The following SDK1 variants were observed in gnomAD, a reference collection of about 807,000 sequenced individuals.
The protein encoded by SDK1 is protein sidekick-1.
In SDK1, 157 loss-of-function variants were observed where a neutral mutation model predicts 245.5. That is an observed-to-expected ratio of 0.64 (90% confidence interval 0.56 to 0.73). The LOEUF (loss-of-function observed/expected upper bound fraction) is 0.73, where lower values mean the gene tolerates loss of function less well. Among genes scored for constraint, SDK1 ranks in the 30% least tolerant of loss-of-function variants. The pLI, the probability that SDK1 is intolerant of heterozygous loss-of-function variation, is 0.00. For synonymous variants in SDK1, 1,647 were observed against 1,278.5 expected (o/e 1.29, Z -6.15); for missense variants, 3,583 against 3,002.3 (o/e 1.19, Z -4.52).
intron 1 of SDK1, among the ~76,000 whole-genome samples, chr7:3,327,956 A>G (rs922340712): frequency 1.3e-5 from 2 of 152,088 alleles, no homozygotes; most frequent in African/African-American, 4.8e-5. Flanking sequence ...ATACCCTATC[A>G]CTATGCATGT....
chr7:3,667,881 C>T (rs139383925), intron 4 of SDK1, among the ~76,000 whole-genome samples: 1 of 152,266 alleles, frequency 6.6e-6, no homozygotes, highest in African/African-American at 2.4e-5. Flanking sequence ...CAGTTTTGGC[C>T]ATTTGCAAAT....
At chr7:3,952,456 G>A (rs1201557411) in intron 7 of SDK1, among the ~76,000 whole-genome samples, 2 of 151,940 alleles carry the variant, frequency 1.3e-5, no homozygotes, top group African/African-American at 4.8e-5. Flanking sequence ...AGTGGCGGGC[G>A]CCTATGATCC....
intron 1 of SDK1, among the ~76,000 whole-genome samples, chr7:3,613,613 C>T (rs536816388): frequency 8.5e-5 from 13 of 152,206 alleles, no homozygotes; most frequent in African/African-American, 2.6e-4. Flanking sequence ...ACAGAAATAC[C>T]GTTTGACCCA....
chr7:3,693,159 A>G (rs1784480451), intron 4 of SDK1, among the ~76,000 whole-genome samples: 1 of 152,078 alleles, frequency 6.6e-6, no homozygotes, highest in African/African-American at 2.4e-5. Flanking sequence ...TTTACAAATA[A>G]AATGTTGTAT....
At chr7:3,454,946 C>T (rs965630649) in intron 1 of SDK1, among the ~76,000 whole-genome samples, 4 of 152,168 alleles carry the variant, frequency 2.6e-5, no homozygotes, top group African/African-American at 9.7e-5. Flanking sequence ...TACTATTTCA[C>T]CAGTGCTTGA....
At chr7:4,065,691 G>GTTTTTTCTTTTTTT (rs1562755417) in intron 19 of SDK1, among the ~76,000 whole-genome samples, 1 of 29,472 alleles carries the variant, frequency 3.4e-5, no homozygotes, top group African/African-American at 1.7e-4. Flanking sequence ...ATGAGTGGTT[G>GTTTTTTCTTTTTTT]TTGTTTTTTT....
chr7:4,203,257 C>G (rs17134538), intron 35 of SDK1, among the ~76,000 whole-genome samples: 5,139 of 152,272 alleles, frequency 0.034, 105 homozygotes, highest in South Asian at 0.045. Context: ...GTGAGGGTCC[C>G]TCCAGAAGTC....
intron 1 of SDK1, chr7:3,338,350 A>C: frequency 3.9e-6 from 2 of 513,546 alleles, no homozygotes; most frequent in South Asian, 3.7e-5. Context: ...GGCATTGTAA[A>C]CAAACAAGGT....
intron 1 of SDK1, among the ~76,000 whole-genome samples, chr7:3,392,688 A>T (rs1781788252): frequency 6.6e-6 from 1 of 152,132 alleles, no homozygotes; most frequent in Admixed American, 6.6e-5. Context: ...CTAGGTATTT[A>T]TGTAAAATCA....
At chr7:3,567,062 G>A (rs1779943192) in intron 1 of SDK1, among the ~76,000 whole-genome samples, 1 of 152,030 alleles carries the variant, frequency 6.6e-6, no homozygotes. Context: ...ACGCATCCTA[G>A]GAACACTTTT....
At chr7:3,594,606 T>C (rs970340139) in intron 1 of SDK1, among the ~76,000 whole-genome samples, 4 of 152,176 alleles carry the variant, frequency 2.6e-5, no homozygotes, top group African/African-American at 9.7e-5. Flanking sequence ...CACTTGTAAT[T>C]GTTTGTCTTT....
intron 4 of SDK1, among the ~76,000 whole-genome samples, chr7:3,692,231 T>C (rs1039104594): frequency 1.3e-5 from 2 of 152,156 alleles, no homozygotes; most frequent in Admixed American, 1.3e-4. Flanking sequence ...TAAAACTTTA[T>C]AGACAACTAA....
intron 4 of SDK1, among the ~76,000 whole-genome samples, chr7:3,665,752 G>A (rs1031316146): frequency 9.2e-5 from 14 of 152,268 alleles, no homozygotes; most frequent in African/African-American, 3.1e-4. Flanking sequence ...TGCAGTCTTT[G>A]TTTATGCTCC....
At chr7:3,888,368 G>C (rs1781384121) in intron 5 of SDK1, among the ~76,000 whole-genome samples, 1 of 152,212 alleles carries the variant, frequency 6.6e-6, no homozygotes. Context: ...ACCAGAAATG[G>C]CTCCTGCGGA....
At chr7:4,046,566 C>A (rs1221588568) in intron 17 of SDK1, among the ~76,000 whole-genome samples, 2 of 152,112 alleles carry the variant, frequency 1.3e-5, no homozygotes, top group South Asian at 2.1e-4. Flanking sequence ...AAATTACTAT[C>A]TTTTCTTTGT....
chr7:3,662,850 A>G (rs1783409473), intron 4 of SDK1, among the ~76,000 whole-genome samples: 1 of 152,226 alleles, frequency 6.6e-6, no homozygotes, highest in South Asian at 2.1e-4. Context: ...TTCGGATTTC[A>G]GACTTTGGGA....
At chr7:3,453,016 C>T (rs1389866640) in intron 1 of SDK1, among the ~76,000 whole-genome samples, 39 of 152,268 alleles carry the variant, frequency 2.6e-4, no homozygotes, top group Non-Finnish European at 4.4e-5. Context: ...ACTGCCATCC[C>T]CGTCTTGCCA....
chr7:4,158,362 C>A lies in SDK1; in HGVS notation c.4626-86C>A, dbSNP rs1056457339. On this transcript the variant is annotated intron_variant, in intron 30 of 44. Coordinates refer to ENST00000404826, the MANE Select transcript of SDK1 (RefSeq NM_152744.4). ...CTCTCAGGGCAGGGGAGGGATTTGC[C>A]CCTCTTCCCAGGGCTTCACCAGGAA... 6.4e-6 allele frequency: 7 copies of A among 1,091,284 alleles called. No individual in the cohort carries two copies. In the African/African-American group the frequency reaches 9.3e-5, roughly 14 times the overall value. The allele number at this position is 1,091,284 out of a possible 1,614,324, so 67.6% of individuals were successfully genotyped here.
At chr7:4,107,647 G>A (rs1357946495) in intron 22 of SDK1, among the ~76,000 whole-genome samples, 2 of 152,124 alleles carry the variant, frequency 1.3e-5, no homozygotes, top group Non-Finnish European at 2.9e-5. Context: ...CAACACGGAG[G>A]CACTTTGCAC....
Sources: allele counts gnomAD v4.1 joint callset (sites outside exome capture counted in the v4.1 genomes callset), GRCh38; gene constraint gnomAD v4.1.1; transcripts MANE v1.5; gene names NCBI Gene and HGNC (gene_info 2026-07-23, HGNC 2026-07-21).